MATN2: variants seen among roughly 807,000 people sequenced by gnomAD.
The protein encoded by MATN2 is matrilin 2.
Under a neutral mutation model 103.2 loss-of-function variants are expected in MATN2, and 69 were observed. That is an observed-to-expected ratio of 0.67 (90% CI 0.55 to 0.82). The LOEUF (loss-of-function observed/expected upper bound fraction) is 0.82. MATN2 is among the 40% of genes least tolerant of loss of function. The pLI is 0.00. For missense variants in MATN2, 1,023 were observed against 1,211.5 expected, an observed-to-expected ratio of 0.84 and a Z score of 2.31; for synonymous variants, 429 against 450.2, an observed-to-expected ratio of 0.95 and a Z score of 0.60.
intron 4 of MATN2, among the ~76,000 whole-genome samples, chr8:97,954,229 CTT>C (rs1563689185): frequency 6.6e-6 from 1 of 152,130 alleles, no homozygotes; most frequent in Non-Finnish European, 1.5e-5. Flanking sequence ...TGGTGGCTCT[CTT>C]CATCATTTTT....
At chr8:97,969,884 GAA>G (rs1223067520) in intron 5 of MATN2, among the ~76,000 whole-genome samples, 1 of 152,216 alleles carries the variant, frequency 6.6e-6, no homozygotes, top group African/African-American at 2.4e-5. Flanking sequence ...TGGGTGACAA[GAA>G]AGTGTGGGCA....
chr8:97,923,319 T>C (rs1363254543), intron 2 of MATN2, among the ~76,000 whole-genome samples: 1 of 152,140 alleles, frequency 6.6e-6, no homozygotes, highest in Non-Finnish European at 1.5e-5. Flanking sequence ...TGCTTCATAG[T>C]GTTTTGGGTC....
At chr8:97,994,050 A>C (rs186344822) in intron 6 of MATN2, among the ~76,000 whole-genome samples, 1 of 150,004 alleles carries the variant, frequency 6.7e-6, no homozygotes, top group East Asian at 1.9e-4. Flanking sequence ...GAAGGAAAGG[A>C]AGAGAGAAAG....
intron 4 of MATN2, among the ~76,000 whole-genome samples, chr8:97,959,455 C>T (rs879334822): frequency 2.6e-5 from 4 of 152,194 alleles, no homozygotes; most frequent in Admixed American, 1.3e-4. Context: ...TTACTCACTA[C>T]GATTTTTGTA....
At chr8:97,987,982 A>G (rs2130336288) in intron 6 of MATN2, among the ~76,000 whole-genome samples, 1 of 151,514 alleles carries the variant, frequency 6.6e-6, no homozygotes, top group Non-Finnish European at 1.5e-5. Context: ...TACTAATATC[A>G]GGAATGAGAA....
chr8:97,991,436 T>C (rs1460963190), intron 6 of MATN2, among the ~76,000 whole-genome samples: 1 of 152,164 alleles, frequency 6.6e-6, no homozygotes, highest in African/African-American at 2.4e-5. Flanking sequence ...AAAAATTATT[T>C]TTCTGCTGGG....
At chr8:98,034,174 C>T (rs1814150922) in intron 18 of MATN2, 1 of 455,510 alleles carries the variant, frequency 2.2e-6, no homozygotes, top group African/African-American at 2.0e-5. Context: ...CCCTTGGCAG[C>T]AGAGATCTTC....
At chr8:97,888,333 T>G in intron 2 of MATN2, 91 bp downstream of exon 2, 2 of 1,342,450 alleles carry the variant, frequency 1.5e-6, no homozygotes, top group Non-Finnish European at 1.9e-6. Flanking sequence ...TTGAGAAGCT[T>G]TCCTTTCCCT....
chr8:98,000,596 C>CA (rs67682756), intron 7 of MATN2, among the ~76,000 whole-genome samples: 2,834 of 49,648 alleles, frequency 0.057, 197 homozygotes, highest in African/African-American at 0.15. Context: ...GACTCCGTCT[C>CA]AAAAAAAAAA....
At chr8:98,002,842 GTCT>G (rs1161367484) in intron 7 of MATN2, among the ~76,000 whole-genome samples, 4 of 152,112 alleles carry the variant, frequency 2.6e-5, no homozygotes, top group Non-Finnish European at 5.9e-5. Flanking sequence ...CTACTGCAAA[GTCT>G]TCTTCAAGAC....
chr8:97,921,242 A>C (rs1809796925), intron 2 of MATN2, among the ~76,000 whole-genome samples: 1 of 152,228 alleles, frequency 6.6e-6, no homozygotes, highest in African/African-American at 2.4e-5. Flanking sequence ...AAATGTTACC[A>C]AGTGGGAAAT....
At chr8:97,998,136 G>C (rs1210889175) in intron 7 of MATN2, among the ~76,000 whole-genome samples, 1 of 151,448 alleles carries the variant, frequency 6.6e-6, no homozygotes, top group Non-Finnish European at 1.5e-5. Flanking sequence ...GGTGGTATTT[G>C]AATAGCTGCC....
intron 13 of MATN2, among the ~76,000 whole-genome samples, chr8:98,024,663 G>A (rs1391649480): frequency 6.6e-6 from 1 of 152,256 alleles, no homozygotes; most frequent in African/African-American, 2.4e-5. Flanking sequence ...TGAGGATGCT[G>A]TAAAGAGGAT....
At chr8:97,915,555 C>A (rs898804176) in intron 2 of MATN2, among the ~76,000 whole-genome samples, 4 of 152,206 alleles carry the variant, frequency 2.6e-5, no homozygotes, top group African/African-American at 9.6e-5. Context: ...TACACCTCCT[C>A]CCCTCCTCCT....
chr8:97,970,806 C>G (rs1288926527), intron 5 of MATN2, among the ~76,000 whole-genome samples: 2 of 152,042 alleles, frequency 1.3e-5, no homozygotes, highest in Non-Finnish European at 2.9e-5. Context: ...AAAAAATCAG[C>G]TGGGTGTGGT....
chr8:97,930,310 G>A (rs1222525574), intron 2 of MATN2, among the ~76,000 whole-genome samples: 2 of 152,164 alleles, frequency 1.3e-5, no homozygotes, highest in Non-Finnish European at 2.9e-5. Context: ...TATATTCTCT[G>A]CAGTGCCCAG....
intron 6 of MATN2, among the ~76,000 whole-genome samples, chr8:97,990,838 T>C (rs1277201872): frequency 6.6e-6 from 1 of 152,086 alleles, no homozygotes. Flanking sequence ...AGGTAAATGG[T>C]TATTTGGGAC....
At chr8:98,015,508 C>T (rs1813329750) in intron 10 of MATN2, among the ~76,000 whole-genome samples, 1 of 152,208 alleles carries the variant, frequency 6.6e-6, no homozygotes, top group Non-Finnish European at 1.5e-5. Context: ...CCAAGCAGCT[C>T]CCGTTGCTGC....
intron 13 of MATN2, among the ~76,000 whole-genome samples, chr8:98,021,833 A>G (rs1244650672): frequency 6.6e-6 from 1 of 152,250 alleles, no homozygotes; most frequent in Admixed American, 6.5e-5. Flanking sequence ...AAGCTGTGAT[A>G]CCTTTTTTTA....
Sources: gnomAD v4.1 joint callset for allele counts (sites outside exome capture counted in the v4.1 genomes callset) on GRCh38, gnomAD v4.1.1 for gene constraint, MANE v1.5 for transcripts, NCBI Gene and HGNC (gene_info 2026-07-23, HGNC 2026-07-21) for gene names.